CFAP47: variants seen among roughly 807,000 people sequenced by gnomAD.
CFAP47 encodes cilia- and flagella-associated protein 47.
CFAP47 carries 29 observed loss-of-function variants against 148.1 expected under a neutral mutation model. The observed-to-expected ratio is 0.20, with a 90% confidence interval of 0.15 to 0.27. CFAP47 has a LOEUF of 0.27. Ranked by LOEUF, CFAP47 falls within the 10% of genes least tolerant of loss-of-function variation. The pLI is 1.00. For missense variants in CFAP47, 1,872 were observed against 1,697.5 expected (o/e 1.10, Z -1.81); for synonymous variants, 664 against 577.3 (o/e 1.15, Z -2.15).
intron 63 of CFAP47, among the ~76,000 whole-genome samples, chrX:36,383,124 G>C (rs1476507804): frequency 1.8e-5 from 2 of 110,011 alleles, no homozygotes; most frequent in Non-Finnish European, 3.8e-5. Flanking sequence ...CACACACGAA[G>C]CACACACACA....
rs1940471406 is a variant in CFAP47 at position 36,236,714 on chromosome X, A to T, written c.7187A>T (p.Asp2396Val). The change falls in exon 48 of 64, where the codon GAT becomes GTT. Residue 2396 changes from aspartate (D) to valine (V), a missense_variant. Physicochemically the swap from Asp to Val is radical, Grantham distance 152. Transcript: ENST00000378653. ...TGKLILQNEV[D>V]GREHIFDIKG... ...AAACTTATTCTACAAAATGAAGTAGATGGTAGGGAGCACATCTTTGACATA... is the reference window on the plus strand; with the variant it reads ...AAACTTATTCTACAAAATGAAGTAGTTGGTAGGGAGCACATCTTTGACATA... 3.8e-6 allele frequency: 2 copies of T among 523,909 alleles called. No individual in the cohort carries two copies. The highest frequency in any genetic ancestry group is 5.3e-5 in the Admixed American group (2 of 37,456). 43.2% of individuals were successfully genotyped at this position (523,909 alleles called of 1,213,427 possible).
chrX:36,385,274 A>G lies in CFAP47; in HGVS notation c.*268A>G, dbSNP rs1223852841. ...GAAATATAATTTAAATGACAACAGT[A>G]TTTCCAATAACAGCGTTGCTAATAA... is the stretch of plus-strand genomic sequence containing the variant. On this transcript the variant is annotated 3_prime_UTR_variant, in exon 64 of 64. Transcript: ENST00000378653. 1 of 258,058 alleles carries G rather than the reference A, an allele frequency of 3.9e-6. No homozygotes were observed. The highest frequency in any genetic ancestry group is 6.8e-6 in the Non-Finnish European group (1 of 147,400). 21.3% of individuals were successfully genotyped at this position (258,058 alleles called of 1,213,427 possible).
intron 57 of CFAP47, among the ~76,000 whole-genome samples, chrX:36,343,644 C>T (rs1437813388): frequency 8.9e-6 from 1 of 111,882 alleles, no homozygotes; most frequent in Non-Finnish European, 1.9e-5. Flanking sequence ...ATGTTTATTG[C>T]AGCACTATTT....
At chrX:36,309,702 G>A (rs781901671) in intron 55 of CFAP47, among the ~76,000 whole-genome samples, 1 of 110,999 alleles carries the variant, frequency 9.0e-6, no homozygotes, top group Non-Finnish European at 1.9e-5. Flanking sequence ...ATGGTTTAAA[G>A]TAACACGAGT....
intron 57 of CFAP47, among the ~76,000 whole-genome samples, chrX:36,341,697 A>G (rs782257010): frequency 3.6e-5 from 4 of 110,906 alleles, no homozygotes; most frequent in Middle Eastern, 5.3e-3. Context: ...TTTGAATGCT[A>G]ATTGTAATTG....
chrX:36,233,993 T>A (rs1264617949), intron 46 of CFAP47, among the ~76,000 whole-genome samples: 1 of 111,564 alleles, frequency 9.0e-6, no homozygotes, highest in Non-Finnish European at 1.9e-5. Flanking sequence ...CCACTGTTAG[T>A]CTGATGGGTT....
intron 57 of CFAP47, among the ~76,000 whole-genome samples, chrX:36,331,356 A>C (rs1941564078): frequency 9.1e-6 from 1 of 109,529 alleles, no homozygotes; most frequent in Non-Finnish European, 1.9e-5. Context: ...TTGTGGACTC[A>C]CTCCTGCCTC....
intron 57 of CFAP47, among the ~76,000 whole-genome samples, chrX:36,335,868 C>A (rs781938463): frequency 9.0e-6 from 1 of 111,422 alleles, no homozygotes; most frequent in East Asian, 2.8e-4. Flanking sequence ...GTAAAGAGTG[C>A]ATGGAATCTT....
At chrX:36,342,618 AGT>A (rs1233184558) in intron 57 of CFAP47, among the ~76,000 whole-genome samples, 7 of 109,312 alleles carry the variant, frequency 6.4e-5, no homozygotes, top group Non-Finnish European at 1.3e-4. Flanking sequence ...CTTTTAAATA[AGT>A]GTGTTTTTTT....
intron 18 of CFAP47, among the ~76,000 whole-genome samples, chrX:35,993,531 T>C (rs1232400840): frequency 8.9e-6 from 1 of 112,376 alleles, no homozygotes; most frequent in Non-Finnish European, 1.9e-5. Context: ...ATTATTTTTC[T>C]AGAAATTAAG....
At chrX:36,227,776 A>T (rs1271347212) in intron 45 of CFAP47, among the ~76,000 whole-genome samples, 3 of 112,209 alleles carry the variant, frequency 2.7e-5, no homozygotes, top group Admixed American at 1.9e-4. Flanking sequence ...TTTGTTGACT[A>T]TTTAAATAGT....
At chrX:36,093,745 TA>T (rs1938226881) in intron 30 of CFAP47, among the ~76,000 whole-genome samples, 2 of 111,780 alleles carry the variant, frequency 1.8e-5, no homozygotes, top group Admixed American at 1.9e-4. Flanking sequence ...GATTTTTAGA[TA>T]TTTTTCTACA....
chrX:36,168,618 G>A (rs1046701552), intron 39 of CFAP47, among the ~76,000 whole-genome samples: 5 of 110,427 alleles, frequency 4.5e-5, no homozygotes, highest in African/African-American at 1.7e-4. Flanking sequence ...TGGAGAACAG[G>A]GTCTCGCTAT....
chrX:36,363,005 G>A (rs1255012739), intron 61 of CFAP47, among the ~76,000 whole-genome samples: 1 of 111,352 alleles, frequency 9.0e-6, no homozygotes, highest in Non-Finnish European at 1.9e-5. Context: ...GTTATTATTT[G>A]TGAAAATGGG....
intron 57 of CFAP47, among the ~76,000 whole-genome samples, chrX:36,328,011 T>C (rs1331764152): frequency 1.8e-5 from 2 of 111,725 alleles, no homozygotes; most frequent in African/African-American, 6.5e-5. Flanking sequence ...GCTCACTACG[T>C]GCATGATGGG....
chrX:35,933,530 G>C (rs747675980), intron 2 of CFAP47, among the ~76,000 whole-genome samples: 2 of 112,143 alleles, frequency 1.8e-5, no homozygotes, highest in East Asian at 2.8e-4. Flanking sequence ...ATAAACACGA[G>C]AGTGCAGATA....
intron 49 of CFAP47, among the ~76,000 whole-genome samples, chrX:36,264,291 C>G (rs911653898): frequency 1.1e-4 from 12 of 111,428 alleles, no homozygotes; most frequent in Non-Finnish European, 1.9e-4. Context: ...ACGTACACCC[C>G]CCAGTCCATT....
intron 1 of CFAP47, among the ~76,000 whole-genome samples, chrX:35,924,069 A>ATG (rs1569201159): frequency 4.1e-5 from 4 of 97,461 alleles, no homozygotes; most frequent in Non-Finnish European, 8.1e-5. Context: ...GCGCACATAT[A>ATG]TGTATATATG....
At chrX:35,993,351 T>C in intron 18 of CFAP47, 30 bp downstream of exon 18, 1 of 290,864 alleles carries the variant, frequency 3.4e-6, no homozygotes, top group Non-Finnish European at 6.0e-6. Flanking sequence ...TTTTTGCACC[T>C]TACATATGTC....
Sources: allele counts gnomAD v4.1 joint callset (sites outside exome capture counted in the v4.1 genomes callset), GRCh38; gene constraint gnomAD v4.1.1; transcripts MANE v1.5; gene names NCBI Gene and HGNC (gene_info 2026-07-23, HGNC 2026-07-21).